TNRC6B: variants seen among roughly 807,000 people sequenced by gnomAD.
TNRC6B encodes the protein trinucleotide repeat containing adaptor 6B.
Under a neutral mutation model 203.6 loss-of-function variants are expected in TNRC6B, and 52 were observed. The ratio of observed to expected loss-of-function variants is 0.26; its 90% CI spans 0.20 to 0.32. TNRC6B has a LOEUF of 0.32. Ranked by LOEUF, TNRC6B falls within the 10% of genes least tolerant of loss-of-function variation. TNRC6B has a pLI of 1.00. For synonymous variants in TNRC6B, 838 were observed against 845.7 expected (o/e 0.99, Z 0.16); for missense variants, 1,923 against 2,286.2 (o/e 0.84, Z 3.24).
At chr22:40,311,026 C>T (rs1008957512) in intron 17 of TNRC6B, 33 bp downstream of exon 17, 37 of 1,580,110 alleles carry the variant, frequency 2.3e-5, no homozygotes, top group Non-Finnish European at 3.2e-5. Context: ...CCCAGGATAG[C>T]ATTTGTTTTG....
chr22:40,125,986 C>A, intron 3 of TNRC6B: 1 of 932,124 alleles, frequency 1.1e-6, no homozygotes, highest in Non-Finnish European at 1.5e-6. Context: ...TAGAACCTAA[C>A]ATAAGATTGA....
intron 1 of TNRC6B, among the ~76,000 whole-genome samples, chr22:40,108,367 T>C (rs2068304870): frequency 6.6e-6 from 1 of 152,238 alleles, no homozygotes; most frequent in South Asian, 2.1e-4. Flanking sequence ...AGCTTGGTTA[T>C]AGGTGAGCTG....
intron 3 of TNRC6B, among the ~76,000 whole-genome samples, chr22:40,126,142 AT>A: frequency 6.6e-6 from 1 of 152,358 alleles, no homozygotes; most frequent in South Asian, 2.1e-4. Flanking sequence ...CTATAGGCTT[AT>A]AAAAAATCAG....
chr22:40,260,062 GT>G (rs1282322104), intron 3 of TNRC6B, among the ~76,000 whole-genome samples: 1 of 152,152 alleles, frequency 6.6e-6, no homozygotes, highest in Non-Finnish European at 1.5e-5. Flanking sequence ...GCAGAGTGCG[GT>G]TTCACGGTTG....
At chr22:40,204,829 T>C (rs1337661412) in intron 1 of TNRC6B, among the ~76,000 whole-genome samples, 1 of 152,232 alleles carries the variant, frequency 6.6e-6, no homozygotes, top group Admixed American at 6.5e-5. Flanking sequence ...ACTTGGTTTT[T>C]ATAGTGATAC....
At chr22:40,303,189 C>G (rs1421877643) in intron 15 of TNRC6B, among the ~76,000 whole-genome samples, 1 of 151,900 alleles carries the variant, frequency 6.6e-6, no homozygotes, top group African/African-American at 2.4e-5. Flanking sequence ...GCCACCACTC[C>G]CAGCTAATTT....
intron 1 of TNRC6B, among the ~76,000 whole-genome samples, chr22:40,202,188 G>A (rs1324916482): frequency 2.0e-5 from 3 of 150,942 alleles, no homozygotes; most frequent in Non-Finnish European, 4.4e-5. Flanking sequence ...TTTTGTTTCT[G>A]TATACCCTGC....
chr22:40,185,601 G>C (rs995505804), intron 1 of TNRC6B, among the ~76,000 whole-genome samples: 1 of 152,184 alleles, frequency 6.6e-6, no homozygotes, highest in African/African-American at 2.4e-5. Context: ...GAGTAAGGTG[G>C]AGGAGGACTA....
intron 1 of TNRC6B, among the ~76,000 whole-genome samples, chr22:40,088,584 TTGTGTG>T (rs58537972): frequency 0.028 from 3,520 of 125,202 alleles, 128 homozygotes; most frequent in African/African-American, 0.092. Context: ...GCGGCTACTT[TTGTGTG>T]TGTGTGTGTG....
intron 15 of TNRC6B, among the ~76,000 whole-genome samples, chr22:40,304,938 T>C (rs2071071328): frequency 6.6e-6 from 1 of 152,174 alleles, no homozygotes; most frequent in African/African-American, 2.4e-5. Context: ...TGGCCAATTA[T>C]GGGTGATTTT....
chr22:40,195,572 G>C (rs2069326611), intron 1 of TNRC6B, among the ~76,000 whole-genome samples: 1 of 151,230 alleles, frequency 6.6e-6, no homozygotes, highest in East Asian at 2.0e-4. Flanking sequence ...CAATACTCCT[G>C]GGTTAGCCTC....
At chr22:40,170,352 ATT>A (rs1315681102) in intron 4 of TNRC6B, among the ~76,000 whole-genome samples, 1 of 74,188 alleles carries the variant, frequency 1.3e-5, no homozygotes, top group South Asian at 4.0e-4. Flanking sequence ...TTATATATAT[ATT>A]ATGTATATAG....
intron 6 of TNRC6B, among the ~76,000 whole-genome samples, 181 bp from the exon 7 acceptor site, chr22:40,273,244 T>C (rs2070589287): frequency 6.6e-6 from 1 of 152,248 alleles, no homozygotes; most frequent in Admixed American, 6.5e-5. Context: ...TGTGTATCAT[T>C]GAAGCTTTAT....
chr22:40,141,164 A>C (rs2068641097), intron 3 of TNRC6B, among the ~76,000 whole-genome samples: 1 of 141,742 alleles, frequency 7.1e-6, no homozygotes, highest in Admixed American at 7.1e-5. Context: ...AGCACAGTGG[A>C]GTTAACTTCT....
intron 11 of TNRC6B, among the ~76,000 whole-genome samples, chr22:40,285,415 C>G (rs114840080): frequency 6.6e-6 from 1 of 152,162 alleles, no homozygotes; most frequent in African/African-American, 2.4e-5. Flanking sequence ...TATTTGATGA[C>G]ATTGAACCCT....
At chr22:40,206,467 TG>T (rs1464712459) in intron 1 of TNRC6B, among the ~76,000 whole-genome samples, 2 of 104,282 alleles carry the variant, frequency 1.9e-5, no homozygotes, top group African/African-American at 2.7e-5. Context: ...AGCTTTGTCA[TG>T]TTCATGGTTA....
intron 5 of TNRC6B, 28 bp from the exon 6 acceptor site, chr22:40,270,094 T>C (rs1352504103): frequency 1.3e-6 from 2 of 1,566,068 alleles, no homozygotes; most frequent in African/African-American, 1.4e-5. Context: ...TAACAAATGA[T>C]TCTTAGAGAC....
At chr22:40,102,985 G>T (rs1234615432) in intron 1 of TNRC6B, among the ~76,000 whole-genome samples, 1 of 152,142 alleles carries the variant, frequency 6.6e-6, no homozygotes, top group African/African-American at 2.4e-5. Context: ...ACTGAGGCAG[G>T]AGAATCGCTT....
At chr22:40,057,353 G>C (rs1259580608) in intron 1 of TNRC6B, among the ~76,000 whole-genome samples, 1 of 147,494 alleles carries the variant, frequency 6.8e-6, no homozygotes, top group Non-Finnish European at 1.5e-5. Context: ...GAGTACAATG[G>C]CACCATCTCG....
Sources: gnomAD v4.1 joint callset for allele counts (sites outside exome capture counted in the v4.1 genomes callset) on GRCh38, gnomAD v4.1.1 for gene constraint, MANE v1.5 for transcripts, NCBI Gene and HGNC (gene_info 2026-07-23, HGNC 2026-07-21) for gene names.